The following IREB2 variants were observed in gnomAD, a reference collection of about 807,000 sequenced individuals.
IREB2 encodes iron responsive element binding protein 2.
Under a neutral mutation model 118.8 loss-of-function variants are expected in IREB2, and 39 were observed. The ratio of observed to expected loss-of-function variants is 0.33; its 90% confidence interval spans 0.25 to 0.43. IREB2 has a LOEUF of 0.43. Ranked by LOEUF, IREB2 falls within the 20% of genes least tolerant of loss-of-function variation. IREB2 has a pLI of 1.00. For synonymous variants in IREB2, 372 were observed against 392.2 expected, an observed-to-expected ratio of 0.95 and a Z score of 0.61; for missense variants, 900 against 1,147.3, an observed-to-expected ratio of 0.78 and a Z score of 3.11.
chr15:78,477,974 C>A (rs1407802421), intron 9 of IREB2, among the ~76,000 whole-genome samples: 3 of 151,700 alleles, frequency 2.0e-5, no homozygotes, highest in Non-Finnish European at 4.4e-5. Flanking sequence ...ATAATTCCAG[C>A]CCTTTGGGAG....
At chr15:78,479,561 T>G (rs968168340) in intron 10 of IREB2, among the ~76,000 whole-genome samples, 4 of 152,096 alleles carry the variant, frequency 2.6e-5, no homozygotes, top group Non-Finnish European at 5.9e-5. Context: ...TTTTAGTGTT[T>G]AAAATAATAG....
intron 2 of IREB2, among the ~76,000 whole-genome samples, chr15:78,454,800 C>T (rs879813639): frequency 6.6e-6 from 1 of 152,180 alleles, no homozygotes; most frequent in Non-Finnish European, 1.5e-5. Flanking sequence ...CTCAAGGGAG[C>T]CTCCCGCTTC....
intron 2 of IREB2, among the ~76,000 whole-genome samples, chr15:78,450,561 T>C (rs2051006041): frequency 6.6e-6 from 1 of 152,154 alleles, no homozygotes; most frequent in African/African-American, 2.4e-5. Context: ...GGTGTGGGCA[T>C]GCGTTGGGAA....
chr15:78,445,866 C>T (rs1383392544), intron 2 of IREB2, among the ~76,000 whole-genome samples: 2 of 152,288 alleles, frequency 1.3e-5, no homozygotes, highest in South Asian at 2.1e-4. Context: ...CTCACTGCAG[C>T]CTGGACCTCC....
chr15:78,441,756 A>C (rs1229371624), intron 2 of IREB2, among the ~76,000 whole-genome samples: 2 of 152,258 alleles, frequency 1.3e-5, no homozygotes, highest in East Asian at 3.8e-4. Flanking sequence ...TACAGAGTAC[A>C]TGTGTACTTA....
intron 2 of IREB2, among the ~76,000 whole-genome samples, chr15:78,453,150 G>A (rs961033141): frequency 2.6e-5 from 4 of 152,178 alleles, no homozygotes; most frequent in Non-Finnish European, 5.9e-5. Context: ...TGGAACAAAG[G>A]TAGTCATTAC....
chr15:78,451,500 A>C (rs2051024272), intron 2 of IREB2, among the ~76,000 whole-genome samples: 1 of 152,178 alleles, frequency 6.6e-6, no homozygotes, highest in Non-Finnish European at 1.5e-5. Context: ...TGACCTCAGC[A>C]GTTGAGATTT....
intron 3 of IREB2, among the ~76,000 whole-genome samples, 170 bp downstream of exon 3, chr15:78,463,257 A>G (rs549417415): frequency 6.6e-6 from 1 of 152,222 alleles, no homozygotes; most frequent in Non-Finnish European, 1.5e-5. Context: ...TGGGCAACAT[A>G]GTGAGACGCT....
At chr15:78,482,914 A>AT (rs888920130) in intron 10 of IREB2, among the ~76,000 whole-genome samples, 2 of 151,768 alleles carry the variant, frequency 1.3e-5, no homozygotes, top group African/African-American at 2.4e-5. Context: ...CGCCCGGCTA[A>AT]TTTTTTAGTA....
At chr15:78,497,946 A>G in intron 21 of IREB2, 87 bp from the exon 22 acceptor site, 1 of 724,276 alleles carries the variant, frequency 1.4e-6, no homozygotes, top group Non-Finnish European at 2.4e-6. Context: ...AAGTATAGTC[A>G]TTAAATATGA....
At chr15:78,486,619 A>G (rs563692481) in intron 13 of IREB2, among the ~76,000 whole-genome samples, 1 of 152,322 alleles carries the variant, frequency 6.6e-6, no homozygotes, top group East Asian at 1.9e-4. Context: ...AGAAAAAAAA[A>G]AAAGTAACCT....
In IREB2 at chr15:78,478,716, AAAT is replaced by A. The variant is rs532779123; in HGVS notation, c.1296+331_1296+333del. Reference sequence around the variant, plus strand: ...GTGAGACTTGTGTCAAAAAGGAAAAAAATAATAATAATAAATTCTAGAGTACCT... The same window carrying A: ...GTGAGACTTGTGTCAAAAAGGAAAAAAATAATAATAAATTCTAGAGTACCT... On this transcript the variant is annotated intron_variant, in intron 10 of 21. Coordinates refer to ENST00000258886, the MANE Select transcript of IREB2 (RefSeq NM_004136.4). Among the ~76,000 whole-genome samples, 24 of 152,256 alleles carry A rather than the reference AAAT, an allele frequency of 1.6e-4. No individual in the cohort carries two copies. The South Asian group carries it at 1.7e-3, about 11-fold the overall frequency.
At chr15:78,497,847 A>G (rs2292115) in intron 21 of IREB2, among the ~76,000 whole-genome samples, 186 bp from the exon 22 acceptor site, 3,876 of 152,310 alleles carry the variant, frequency 0.025, 67 homozygotes, top group East Asian at 0.085. Flanking sequence ...ATGGTCAGGT[A>G]TCTCAGGTGT....
chr15:78,487,877 A>T (rs2141518601), intron 14 of IREB2, 60 bp downstream of exon 14: 1 of 1,026,372 alleles, frequency 9.7e-7, no homozygotes. Context: ...TTTGTTACTA[A>T]ATTATAGAAA....
intron 2 of IREB2, among the ~76,000 whole-genome samples, chr15:78,445,508 C>T (rs1244080319): frequency 6.6e-6 from 1 of 152,194 alleles, no homozygotes; most frequent in African/African-American, 2.4e-5. Context: ...TTGCAGTTTC[C>T]AGACATCCAA....
chr15:78,460,114 A>G (rs2051172769), intron 2 of IREB2, among the ~76,000 whole-genome samples: 1 of 152,232 alleles, frequency 6.6e-6, no homozygotes, highest in Non-Finnish European at 1.5e-5. Flanking sequence ...CTAAGTGGGT[A>G]TGAGTGTTAC....
At position 78,438,463 on chromosome 15, in the gene IREB2, C is replaced by T. The variant is rs925425647; in HGVS notation, c.19+107C>T. On this transcript the variant is annotated intron_variant, in intron 1 of 21. Coordinates refer to ENST00000258886, the MANE Select transcript of IREB2 (RefSeq NM_004136.4). The stretch of plus-strand genomic sequence containing the variant: ...GGAGTCGCTCGGCAGGCGCCCAGGC[C>T]CTCGGGGCTCGGGTTGTGCTCCCCT... 9 of 1,300,848 alleles carry T rather than the reference C, an allele frequency of 6.9e-6. No homozygotes were observed. The Admixed American group carries it at 1.8e-4, about 26-fold the overall frequency. The allele number at this position is 1,300,848 out of a possible 1,614,324, so 80.6% of individuals were successfully genotyped here.
intron 8 of IREB2, chr15:78,475,688 A>T (rs1200769527): frequency 6.6e-6 from 1 of 152,264 alleles, no homozygotes; most frequent in Non-Finnish European, 1.5e-5. Flanking sequence ...TCTACAAAAA[A>T]AAAAAAGTTA....
In IREB2 at chr15:78,488,468, T is replaced by C. The variant is rs145021508; in HGVS notation, c.1951+132T>C. ...GAAGACGTATGATAATGTATAGTTATTAATTTCTGTGTTTATGTGAAGAAA... is the reference window on the plus strand; with the variant it reads ...GAAGACGTATGATAATGTATAGTTACTAATTTCTGTGTTTATGTGAAGAAA... On this transcript the variant is annotated intron_variant, in intron 15 of 21. Transcript: ENST00000258886. 3.1e-4 allele frequency: 311 copies of C among 992,818 alleles called. 4 individuals carry two copies. The East Asian group carries it at 8.1e-3, about 26-fold the overall frequency. The allele number at this position is 992,818 out of a possible 1,614,324, so 61.5% of individuals were successfully genotyped here. A position where few individuals can be genotyped will look rare whatever the true frequency, so the allele number is the denominator to read the frequency against.
Sources: gnomAD v4.1 joint callset for allele counts (sites outside exome capture counted in the v4.1 genomes callset) on GRCh38, gnomAD v4.1.1 for gene constraint, MANE v1.5 for transcripts, NCBI Gene and HGNC (gene_info 2026-07-23, HGNC 2026-07-21) for gene names.